ABCG2: variants seen among roughly 807,000 people sequenced by gnomAD.
ABCG2 encodes the protein ATP binding cassette subfamily G member 2 (JR blood group), also known as broad substrate specificity ATP-binding cassette transporter ABCG2.
Under a neutral mutation model 73.5 loss-of-function variants are expected in ABCG2, and 80 were observed. The observed-to-expected ratio is 1.09, with a 90% CI of 0.91 to 1.31. The LOEUF is 1.31. Ranked by LOEUF, ABCG2 falls within the 50% of genes most tolerant of loss-of-function variation. The pLI is 0.00. For synonymous variants in ABCG2, 269 were observed against 282.4 expected, an observed-to-expected ratio of 0.95 and a Z score of 0.48; for missense variants, 796 against 786.2, an observed-to-expected ratio of 1.01 and a Z score of -0.15.
chr4:88,167,106 G>GT (rs1185476906), intron 1 of ABCG2, among the ~76,000 whole-genome samples: 1 of 146,748 alleles, frequency 6.8e-6, no homozygotes, highest in Non-Finnish European at 1.5e-5. Context: ...TTTGCTCAGG[G>GT]TATCAACAGG....
At chr4:88,203,331 T>C (rs1486197379) in intron 1 of ABCG2, among the ~76,000 whole-genome samples, 1 of 152,212 alleles carries the variant, frequency 6.6e-6, no homozygotes, top group Non-Finnish European at 1.5e-5. Flanking sequence ...TTCTAGTAGC[T>C]GAATTCAATG....
intron 1 of ABCG2, among the ~76,000 whole-genome samples, chr4:88,174,889 T>G (rs1197934315): frequency 6.6e-6 from 1 of 152,236 alleles, no homozygotes; most frequent in African/African-American, 2.4e-5. Flanking sequence ...TTAATCTATC[T>G]TGAGTTAATT....
intron 1 of ABCG2, among the ~76,000 whole-genome samples, chr4:88,154,491 G>A (rs1399155357): frequency 6.6e-6 from 1 of 152,204 alleles, no homozygotes; most frequent in East Asian, 1.9e-4. Flanking sequence ...GGGGGGCAGA[G>A]TGGTAGCCTC....
chr4:88,134,842 G>GATC (rs1725134701), intron 2 of ABCG2, among the ~76,000 whole-genome samples: 1 of 152,148 alleles, frequency 6.6e-6, no homozygotes, highest in Non-Finnish European at 1.5e-5. Context: ...TCAACACAAT[G>GATC]ATCAAGTATT....
intron 7 of ABCG2, among the ~76,000 whole-genome samples, chr4:88,116,350 C>G (rs1723577350): frequency 6.6e-6 from 1 of 152,186 alleles, no homozygotes; most frequent in Non-Finnish European, 1.5e-5. Context: ...ATGAGATCAT[C>G]TGAACTCAGC....
chr4:88,182,510 G>T (rs1329025305), intron 1 of ABCG2, among the ~76,000 whole-genome samples: 3 of 151,962 alleles, frequency 2.0e-5, no homozygotes, highest in Admixed American at 6.6e-5. Context: ...CACAAAGCAA[G>T]TCTTTAAAAA....
chr4:88,160,135 C>A (rs1467413783), upstream of ABCG2, among the ~76,000 whole-genome samples: 1 of 151,316 alleles, frequency 6.6e-6, no homozygotes, highest in African/African-American at 2.4e-5. Flanking sequence ...CAGCTACTCG[C>A]GAGGCTAAGG....
chr4:88,212,090 T>G (rs1729625547), intron 1 of ABCG2, among the ~76,000 whole-genome samples: 1 of 152,158 alleles, frequency 6.6e-6, no homozygotes, highest in African/African-American at 2.4e-5. Context: ...TCTTCCTCTC[T>G]CAAAAGTATG....
At chr4:88,152,392 C>T (rs1726556406) in intron 1 of ABCG2, among the ~76,000 whole-genome samples, 1 of 152,094 alleles carries the variant, frequency 6.6e-6, no homozygotes, top group Non-Finnish European at 1.5e-5. Context: ...TTTTTAATCA[C>T]CTGGATGCAG....
chr4:88,153,581 G>A lies in ABCG2; in HGVS notation c.-20+4805C>T, dbSNP rs559124773. 9.8e-4 allele frequency among the ~76,000 whole-genome samples: 148 copies of A among 150,676 alleles called. 1 individual carries two copies. The highest frequency in any genetic ancestry group is 3.5e-3 in the African/African-American group (144 of 41,224). On this transcript the variant is annotated intron_variant, in intron 1 of 15. Coordinates refer to ENST00000237612, the MANE Select transcript of ABCG2 (RefSeq NM_004827.3). Reference sequence around the variant, plus strand: ...ATGTTTCACTGAATACCAAGAGCCCGAAAAACTGCTTGGCTGATTTGACTA... The same window carrying A: ...ATGTTTCACTGAATACCAAGAGCCCAAAAAACTGCTTGGCTGATTTGACTA...
rs768136482 is a variant in ABCG2, at chr4:88,142,630, T to A, written c.-19-2616A>T. ...TGTCCTTGAGTTCTGCATCTGAAGATTCAACCAGTCGCAAATCGAAAATAT... is the reference window on the plus strand; with the variant it reads ...TGTCCTTGAGTTCTGCATCTGAAGAATCAACCAGTCGCAAATCGAAAATAT... On this transcript the variant is annotated intron_variant, in intron 1 of 15. Transcript: ENST00000237612. 1.4e-3 allele frequency among the ~76,000 whole-genome samples: 215 copies of A among 152,218 alleles called. 2 individuals carry two copies. The highest frequency in any genetic ancestry group is 2.5e-3 in the Non-Finnish European group (168 of 68,014).
chr4:88,175,214 C>T lies in ABCG2; in HGVS notation c.-19-35200G>A, dbSNP rs189676410. Among the ~76,000 whole-genome samples, 292 of 152,314 alleles carry T rather than the reference C, an allele frequency of 1.9e-3. 2 individuals are homozygous for T. The highest frequency in any genetic ancestry group is 6.4e-3 in the African/African-American group (266 of 41,564). On this transcript the variant is annotated intron_variant, in intron 1 of 15. Transcript: ENST00000515655. ...TAGTTTCGTTAACCACATCCTTTTG[C>T]CTTCCATTGTTTAATGCAAAATTAT...
chr4:88,131,559 AT>A (rs1363233179), intron 4 of ABCG2, among the ~76,000 whole-genome samples: 2 of 152,236 alleles, frequency 1.3e-5, no homozygotes, highest in African/African-American at 2.4e-5. Flanking sequence ...TAACAGTAGT[AT>A]GTATCATTTT....
chr4:88,201,575 G>C (rs1378640585), intron 1 of ABCG2: 1 of 152,162 alleles, frequency 6.6e-6, no homozygotes, highest in Non-Finnish European at 1.5e-5. Flanking sequence ...AGAAGCAGCT[G>C]TACAGTTCTT....
intron 1 of ABCG2, among the ~76,000 whole-genome samples, chr4:88,193,943 C>T (rs991374936): frequency 2.0e-5 from 3 of 152,132 alleles, no homozygotes; most frequent in South Asian, 2.1e-4. Flanking sequence ...TGGGGTTTCA[C>T]CATGTTGGCC....
At position 88,132,565 on chromosome 4, in the gene ABCG2, C is replaced by G. The variant is rs371295575; in HGVS notation, c.263+11G>C. 15 of 1,614,006 alleles carry G rather than the reference C, an allele frequency of 9.3e-6. No homozygotes were observed. Among genetic ancestry groups the G allele is most frequent in the African/African-American group, 1.3e-5 (1 of 74,910 alleles). ...CACAGAAAACGCTTACTTATACTCT[C>G]TTATACTCACGAAGATTTGCCTCCA... On this transcript the variant is annotated intron_variant, in intron 3 of 15. Transcript: ENST00000237612.
rs761675397 is a variant in ABCG2 at position 88,114,965 on chromosome 4, T to C, written c.935A>G (p.Asp312Gly). Residue 312 changes from aspartate (D) to glycine (G), a missense_variant, in exon 8 of 16, where the codon GAC (aspartate) becomes GGC (glycine). Asp to Gly is a moderately conservative substitution (Grantham distance 94). Transcript: ENST00000237612. ...GTAACAGATTCATATACCTTTAAAG[T>C]CTTCTTCTCTGTTTAATGCCACAGC... Reference protein sequence around the residue: ...STAVALNREEDFKATEIIEPS... With the variant: ...STAVALNREEGFKATEIIEPS... The C allele has an allele frequency of 4.3e-5, 69 of 1,608,522 alleles. No homozygotes were observed. The highest frequency in any genetic ancestry group is 8.4e-5 in the Admixed American group (5 of 59,846).
intron 15 of ABCG2, 94 bp from the exon 16 acceptor site, chr4:88,092,475 G>T: frequency 7.5e-7 from 1 of 1,330,750 alleles, no homozygotes; most frequent in South Asian, 1.5e-5. Flanking sequence ...GCCTAAAATT[G>T]AACCAAGCCT....
At chr4:88,107,695 G>A (rs369777564) in intron 9 of ABCG2, among the ~76,000 whole-genome samples, 1 of 152,258 alleles carries the variant, frequency 6.6e-6, no homozygotes, top group South Asian at 2.1e-4. Context: ...CAATGAACAT[G>A]AGTCATTTTA....
Sources: gnomAD v4.1 joint callset for allele counts (sites outside exome capture counted in the v4.1 genomes callset) on GRCh38, gnomAD v4.1.1 for gene constraint, MANE v1.5 for transcripts, NCBI Gene and HGNC (gene_info 2026-07-23, HGNC 2026-07-21) for gene names.